FBXO31: variants seen among roughly 807,000 people sequenced by gnomAD.
FBXO31 encodes the protein F-box protein 31, also known as F-box only protein 31.
FBXO31 carries 24 observed loss-of-function variants against 54.4 expected under a neutral mutation model. The observed-to-expected ratio is 0.44, with a 90% CI of 0.32 to 0.62. The LOEUF is 0.62. Among genes scored for constraint, FBXO31 ranks in the 20% least tolerant of loss-of-function variants. FBXO31 has a pLI of 0.05. For missense variants in FBXO31, 665 were observed against 787.1 expected, an observed-to-expected ratio of 0.84 and a Z score of 1.86; for synonymous variants, 388 against 335.6, an observed-to-expected ratio of 1.16 and a Z score of -1.71.
At position 87,335,414 on chromosome 16, in the gene FBXO31, G is replaced by C. The variant is rs762004786; in HGVS notation, c.886C>G (p.Pro296Ala). The stretch of plus-strand genomic sequence containing the variant: ...AGGCCAGGCTTGATGAGGTCGTCGG[G>C]GCGGCTGGGCGGCAGGTAGATGCGG... ...YRRIYLPPSR[P>A]DDLIKPGLFK... The change falls in exon 7 of 9, where the codon CCC becomes GCC. Residue 296 changes from proline (P) to alanine (A), a missense_variant. Pro to Ala is a conservative substitution (Grantham distance 27). This residue lies in a region of FBXO31 where 234 missense variants were observed against 346.8 expected (regional missense o/e 0.67). Coordinates refer to ENST00000311635, the MANE Select transcript of FBXO31 (RefSeq NM_024735.5). The surrounding 1 kb of genome is among the most constrained non-coding windows in gnomAD (Gnocchi z 5.7). 1 of 1,613,742 alleles carries C rather than the reference G, an allele frequency of 6.2e-7. No individual in the cohort carries two copies. Among genetic ancestry groups the C allele is most frequent in the Non-Finnish European group, 8.5e-7 (1 of 1,179,960 alleles).
chr16:87,368,220 C>A (rs977712032), intron 1 of FBXO31, among the ~76,000 whole-genome samples: 13 of 152,152 alleles, frequency 8.5e-5, no homozygotes, highest in African/African-American at 2.7e-4. Flanking sequence ...CCTACTGTCA[C>A]CAAAAGGTCA....
chr16:87,384,605 C>G (rs1168861529), upstream of FBXO31, among the ~76,000 whole-genome samples: 2 of 152,244 alleles, frequency 1.3e-5, no homozygotes, highest in African/African-American at 4.8e-5. Flanking sequence ...AAGGCGTCCT[C>G]TCACCTGAGC....
chr16:87,348,450 G>A (rs1472400650), intron 2 of FBXO31, among the ~76,000 whole-genome samples: 2 of 152,246 alleles, frequency 1.3e-5, no homozygotes, highest in East Asian at 1.9e-4. Flanking sequence ...GTGGCACCCA[G>A]TGACCTTCCC....
At chr16:87,367,193 C>A (rs998141438) in intron 1 of FBXO31, 2 of 152,130 alleles carry the variant, frequency 1.3e-5, no homozygotes, top group Non-Finnish European at 2.9e-5. Flanking sequence ...AATAAACAAA[C>A]AAACAGAAAG....
upstream of FBXO31, chr16:87,391,641 G>C (rs1907557000): frequency 6.6e-6 from 1 of 152,438 alleles, no homozygotes; most frequent in Non-Finnish European, 1.5e-5. Context: ...GACTGGGAGA[G>C]GGGACTGCGC....
chr16:87,342,817 T>G (rs551628577), intron 5 of FBXO31, 60 bp downstream of exon 5: 1,474 of 1,460,664 alleles, frequency 1.0e-3, no homozygotes, highest in Middle Eastern at 2.6e-3. Context: ...GTCTGTACTT[T>G]CCCCGTGGGG....
intron 2 of FBXO31, among the ~76,000 whole-genome samples, chr16:87,350,714 A>C (rs1905614887): frequency 6.7e-6 from 1 of 148,242 alleles, no homozygotes; most frequent in African/African-American, 2.4e-5. Context: ...ATCATGAAAT[A>C]CTGGGGTTAA....
intron 1 of FBXO31, among the ~76,000 whole-genome samples, chr16:87,370,332 C>A (rs554463361): frequency 6.6e-6 from 1 of 152,222 alleles, no homozygotes; most frequent in African/African-American, 2.4e-5. Flanking sequence ...ATTCTGTGCA[C>A]GGCACTGGCA....
chr16:87,387,706 C>T (rs1178642957), upstream of FBXO31, among the ~76,000 whole-genome samples: 2 of 152,172 alleles, frequency 1.3e-5, no homozygotes, highest in African/African-American at 4.8e-5. Context: ...ACTCAGGAGG[C>T]TGAAGCAGGA....
chr16:87,333,156 C>T (rs1344741171), intron 8 of FBXO31, among the ~76,000 whole-genome samples: 1 of 152,240 alleles, frequency 6.6e-6, no homozygotes, highest in Non-Finnish European at 1.5e-5. Context: ...GCCCGTGGCA[C>T]TGAAGGCGGT....
chr16:87,382,990 G>C (rs1033012755), intron 1 of FBXO31, among the ~76,000 whole-genome samples: 1 of 152,074 alleles, frequency 6.6e-6, no homozygotes, highest in African/African-American at 2.4e-5. Context: ...GGGCACCCTC[G>C]GCTCGCCTTC....
chr16:87,352,585 C>T (rs897111093), intron 2 of FBXO31, among the ~76,000 whole-genome samples: 1 of 152,176 alleles, frequency 6.6e-6, no homozygotes, highest in Non-Finnish European at 1.5e-5. Flanking sequence ...CCAGACACGA[C>T]AGGTGTGGGA....
chr16:87,355,679 G>T (rs961643125), intron 2 of FBXO31, among the ~76,000 whole-genome samples: 3 of 152,106 alleles, frequency 2.0e-5, no homozygotes, highest in Non-Finnish European at 2.9e-5. Context: ...TGATAAAGCC[G>T]CCAGCTCGAA....
intron 5 of FBXO31, among the ~76,000 whole-genome samples, chr16:87,340,257 A>G (rs991119964): frequency 1.3e-5 from 2 of 152,384 alleles, no homozygotes; most frequent in Admixed American, 1.3e-4. Flanking sequence ...ACTGTACTCC[A>G]GTGTGGGGGA....
chr16:87,331,911 G>GA (rs1457062853), intron 8 of FBXO31, among the ~76,000 whole-genome samples: 2 of 152,120 alleles, frequency 1.3e-5, no homozygotes, highest in Non-Finnish European at 2.9e-5. Context: ...GGCCCAATGT[G>GA]AAAAAAAATC....
intron 3 of FBXO31, among the ~76,000 whole-genome samples, chr16:87,344,482 C>A (rs891095): frequency 0.39 from 59,547 of 152,070 alleles, 12,173 homozygotes; most frequent in East Asian, 0.7. Flanking sequence ...GCCTCACCCC[C>A]TTCTGGGAGA....
rs1905029962 is a variant in FBXO31 at position 87,335,791 on chromosome 16, C to T, written c.843-334G>A. On this transcript the variant is annotated intron_variant, in intron 6 of 8. Transcript: ENST00000311635. The surrounding 1 kb of genome is among the most constrained non-coding windows in gnomAD (Gnocchi z 5.7). ...AGTCACCATGGAGGGGATCCCCGCA[C>T]TGGGCTGAGCGGGGCTGAGCTCTAG... 6.6e-6 allele frequency among the ~76,000 whole-genome samples: 1 copy of T among 152,184 alleles called. No individual in the cohort carries two copies. The highest frequency in any genetic ancestry group is 2.1e-4 in the South Asian group (1 of 4,830).
intron 2 of FBXO31, among the ~76,000 whole-genome samples, chr16:87,351,948 C>G (rs1178090435): frequency 6.6e-6 from 1 of 152,164 alleles, no homozygotes; most frequent in African/African-American, 2.4e-5. Flanking sequence ...TCCACCCTGA[C>G]TGCGCGTCAG....
chr16:87,327,941 C>T lies in FBXO31; in HGVS notation c.*3347G>A, dbSNP rs985896378. The T allele has an allele frequency of 2.0e-5, 3 of 152,228 alleles. No individual in the cohort carries two copies. The highest frequency in any genetic ancestry group is 4.8e-5 in the African/African-American group (2 of 41,440). The allele number at this position is 152,228 out of a possible 1,614,324, so 9.4% of individuals were successfully genotyped here. On this transcript the variant is annotated 3_prime_UTR_variant, in exon 9 of 9. Transcript: ENST00000311635. ...AAAAGAGCCTAGCTGCTTTCTGCAG[C>T]ACCTTGGACGGTGGACCACAGCTCA...
Sources: gnomAD v4.1 joint callset for allele counts (sites outside exome capture counted in the v4.1 genomes callset) on GRCh38, gnomAD v4.1.1 for gene constraint, gnomAD v4.1.1 regional missense constraint, Gnocchi (gnomAD v3.1) non-coding constraint, MANE v1.5 for transcripts, NCBI Gene and HGNC (gene_info 2026-07-23, HGNC 2026-07-21) for gene names.